The following XKR9 variants were observed in gnomAD, a reference collection of about 807,000 sequenced individuals.
The protein encoded by XKR9 is XK-related protein 9.
A neutral mutation model predicts 32.0 loss-of-function variants in XKR9; 32 were observed. That is an observed-to-expected ratio of 1.00 (90% CI 0.76 to 1.34). The LOEUF (loss-of-function observed/expected upper bound fraction) is 1.34, where lower values mean the gene tolerates loss of function less well. Among genes scored for constraint, XKR9 ranks in the 40% most tolerant of loss-of-function variants. The probability of loss-of-function intolerance (pLI) is 0.00; values close to 1 mark genes in which losing one functional copy is unlikely to be tolerated. For synonymous variants in XKR9, 168 were observed against 143.4 expected, an observed-to-expected ratio of 1.17 and a Z score of -1.22; for missense variants, 546 against 429.7, an observed-to-expected ratio of 1.27 and a Z score of -2.39.
At chr8:70,830,840 G>A in the XKR9 span, among the ~76,000 whole-genome samples, 18 of 152,168 alleles carry the variant, frequency 1.2e-4, no homozygotes, top group Non-Finnish European at 2.1e-4. Flanking sequence ...CCAAATCTCA[G>A]AAAAAGTAGG....
chr8:70,840,942 T>C, the XKR9 span, among the ~76,000 whole-genome samples: 1 of 152,202 alleles, frequency 6.6e-6, no homozygotes, highest in African/African-American at 2.4e-5. Flanking sequence ...ATGTCTCTTA[T>C]GAAAGTAAAA....
In XKR9 at chr8:70,670,664, G is replaced by A. The variant is rs1325755710; in HGVS notation, c.-361+1126G>A. On this transcript the variant is annotated intron_variant, in intron 1 of 4. Transcript: ENST00000408926. Reference sequence around the variant, plus strand: ...GAGTGGCTAATGACATCTGCTTTGTGTGTGAGAAATGTCTTTGCCTTGTTT... The same window carrying A: ...GAGTGGCTAATGACATCTGCTTTGTATGTGAGAAATGTCTTTGCCTTGTTT... The A allele has an allele frequency of 4.6e-5, 7 of 152,054 alleles. No individual in the cohort carries two copies. The East Asian group carries it at 1.3e-3, about 29-fold the overall frequency. 9.4% of individuals were successfully genotyped at this position (152,054 alleles called of 1,614,324 possible).
the XKR9 span, among the ~76,000 whole-genome samples, chr8:70,918,533 T>A: frequency 6.6e-6 from 1 of 151,944 alleles, no homozygotes; most frequent in Non-Finnish European, 1.5e-5. Flanking sequence ...AAGGTTGAGC[T>A]AATAGGTCTT....
the XKR9 span, among the ~76,000 whole-genome samples, chr8:70,897,311 A>G: frequency 1.3e-5 from 2 of 152,128 alleles, no homozygotes; most frequent in Admixed American, 6.6e-5. Flanking sequence ...TTGCTTCCAA[A>G]ACTTGACTAT....
the XKR9 span, among the ~76,000 whole-genome samples, chr8:70,928,753 C>A: frequency 1.3e-5 from 2 of 152,184 alleles, no homozygotes; most frequent in Non-Finnish European, 2.9e-5. Flanking sequence ...TTAGTCCCAG[C>A]TTGTTCTCAT....
At chr8:70,746,382 TATA>T (rs1288435520) in intron 2 of XKR9, among the ~76,000 whole-genome samples, 1 of 147,436 alleles carries the variant, frequency 6.8e-6, no homozygotes, top group Middle Eastern at 3.6e-3. Flanking sequence ...TAATATAAAA[TATA>T]ATTATATACA....
chr8:70,679,787 ATAG>A (rs1819013857), intron 2 of XKR9, among the ~76,000 whole-genome samples: 1 of 152,208 alleles, frequency 6.6e-6, no homozygotes. Context: ...AGTAATAATA[ATAG>A]TAGAATCTAC....
intron 4 of XKR9, 61 bp from the exon 5 acceptor site, chr8:70,733,735 T>C (rs1324696358): frequency 4.2e-5 from 58 of 1,388,130 alleles, no homozygotes; most frequent in Non-Finnish European, 5.3e-5. Context: ...GTATGGGATA[T>C]AGTAATCTAA....
chr8:70,913,690 C>A, the XKR9 span, among the ~76,000 whole-genome samples: 1 of 152,088 alleles, frequency 6.6e-6, no homozygotes, highest in Admixed American at 6.5e-5. Context: ...GAGCTTAGGA[C>A]ACGGATTAAG....
chr8:70,755,390 C>G lies in XKR9; in HGVS notation n.353-33949C>G, dbSNP rs541048086. ...TCTAGAACTAGAAATACCATTTGAC[C>G]CAGCCACCTCATTACTGGGTATATA... On this transcript the variant is annotated intron_variant and non_coding_transcript_variant, in intron 2 of 3. Coordinates refer to the XKR9 transcript ENST00000520273. Among the ~76,000 whole-genome samples, 4 of 152,208 alleles carry G rather than the reference C, an allele frequency of 2.6e-5. No individual in the cohort carries two copies. The South Asian group carries it at 8.3e-4, about 32-fold the overall frequency.
the XKR9 span, among the ~76,000 whole-genome samples, chr8:71,064,393 T>C: frequency 1.1e-3 from 164 of 152,320 alleles, no homozygotes; most frequent in African/African-American, 3.9e-3. Flanking sequence ...ATATTTTATA[T>C]ATTGAGTTTT....
chr8:70,960,788 C>G, the XKR9 span, among the ~76,000 whole-genome samples: 2 of 151,648 alleles, frequency 1.3e-5, no homozygotes, highest in African/African-American at 4.8e-5. Context: ...AGGAGGATCC[C>G]TTGAGTCCAG....
downstream of XKR9, among the ~76,000 whole-genome samples, chr8:70,793,472 C>T (rs757294190): frequency 7.2e-5 from 11 of 152,062 alleles, no homozygotes; most frequent in African/African-American, 2.4e-4. Flanking sequence ...TGCACTTGGC[C>T]ATCTTGGCAC....
chr8:71,034,897 C>A, the XKR9 span, among the ~76,000 whole-genome samples: 1 of 152,184 alleles, frequency 6.6e-6, no homozygotes, highest in African/African-American at 2.4e-5. Flanking sequence ...ATCTTTCCAA[C>A]TTCATGAATG....
the XKR9 span, among the ~76,000 whole-genome samples, chr8:71,042,731 A>C: frequency 6.6e-6 from 1 of 152,160 alleles, no homozygotes; most frequent in Non-Finnish European, 1.5e-5. Flanking sequence ...CTTTATGTGG[A>C]CCACACTAAA....
chr8:70,898,866 A>T, the XKR9 span, among the ~76,000 whole-genome samples: 1 of 151,508 alleles, frequency 6.6e-6, no homozygotes, highest in Non-Finnish European at 1.5e-5. Context: ...GTGTTTTCTG[A>T]TGAGAGTTCT....
intron 2 of XKR9, among the ~76,000 whole-genome samples, chr8:70,788,056 ATAACT>A (rs1156387971): frequency 6.6e-6 from 1 of 152,132 alleles, no homozygotes. Context: ...TCAATGATAA[ATAACT>A]TAATTAATTT....
chr8:70,688,113 G>T (rs962363814), intron 3 of XKR9, among the ~76,000 whole-genome samples: 1 of 152,236 alleles, frequency 6.6e-6, no homozygotes, highest in African/African-American at 2.4e-5. Flanking sequence ...CTTAGGCTAT[G>T]CCCTACCATG....
the XKR9 span, among the ~76,000 whole-genome samples, chr8:70,958,532 C>A: frequency 1.1e-3 from 166 of 152,240 alleles, 1 homozygote; most frequent in African/African-American, 3.9e-3. Context: ...TGTCCTTTGC[C>A]CACTTTTTAA....
Sources: gnomAD v4.1 joint callset for allele counts (sites outside exome capture counted in the v4.1 genomes callset) on GRCh38, gnomAD v4.1.1 for gene constraint, MANE v1.5 for transcripts, NCBI Gene and HGNC (gene_info 2026-07-23, HGNC 2026-07-21) for gene names.